IL6R: variants seen among roughly 807,000 people sequenced by gnomAD.
IL6R encodes interleukin 6 receptor, also known as interleukin-6 receptor subunit alpha.
In IL6R, 38 loss-of-function variants were observed where a neutral mutation model predicts 48.3. That is an observed-to-expected ratio of 0.79 (90% CI 0.61 to 1.03). The LOEUF (loss-of-function observed/expected upper bound fraction) is 1.03, where lower values mean the gene tolerates loss of function less well. IL6R is among the 50% of genes least tolerant of loss of function. IL6R has a pLI of 0.00. For synonymous variants in IL6R, 264 were observed against 256.2 expected (o/e 1.03, Z -0.29); for missense variants, 534 against 618.3 (o/e 0.86, Z 1.45).
rs770337126 is a variant in IL6R, at chr1:154,449,967, G to A, written c.1053G>A (p.Ala351=). The change falls in exon 8 of 10, where the codon GCG becomes GCA. Residue 351 remains alanine (A), a synonymous_variant. Coordinates refer to ENST00000368485, the MANE Select transcript of IL6R (RefSeq NM_000565.4). ...TTCTCTTCAGAGATTCTGCAAATGC[G>A]ACAAGCCTCCCAGGTAAGGACTGGG... ...DNILFRDSAN[A]TSLPVQDSSS... The A allele has an allele frequency of 3.7e-6, 6 of 1,606,300 alleles. No individual in the cohort carries two copies. In the Admixed American group the frequency reaches 6.7e-5, roughly 18 times the overall value.
At chr1:154,409,431 C>G (rs1570913129) in intron 1 of IL6R, among the ~76,000 whole-genome samples, 2 of 152,300 alleles carry the variant, frequency 1.3e-5, no homozygotes, top group Admixed American at 1.3e-4. Flanking sequence ...CCAGGCACAT[C>G]TCTGCCCTGC....
chr1:154,433,126 G>A (rs549556660), intron 3 of IL6R, among the ~76,000 whole-genome samples: 6 of 152,346 alleles, frequency 3.9e-5, no homozygotes, highest in Admixed American at 3.9e-4. Flanking sequence ...TGCCTTCGTG[G>A]CTGGGTGGAA....
At chr1:154,463,880 G>A (rs1458726654) in intron 9 of IL6R, among the ~76,000 whole-genome samples, 1 of 152,210 alleles carries the variant, frequency 6.6e-6, no homozygotes, top group Non-Finnish European at 1.5e-5. Flanking sequence ...TTTCCTGTCA[G>A]ATGAGTCAAA....
Position 154,430,450 on chromosome 1 carries a change from C to T in IL6R, c.335-33C>T, listed in dbSNP as rs764719540. ...GTCAGTGCGCCCCAGGATCCCCGCC[C>T]GCCTGCTGACACCTGCAATGCTTTC... On this transcript the variant is annotated intron_variant, in intron 2 of 9. Coordinates refer to ENST00000368485, the MANE Select transcript of IL6R (RefSeq NM_000565.4). 6 of 1,609,158 alleles carry T rather than the reference C, an allele frequency of 3.7e-6. No homozygotes were observed. The Admixed American group carries it at 5.1e-5, about 14-fold the overall frequency.
At chr1:154,446,964 A>T (rs1198284621) in intron 6 of IL6R, among the ~76,000 whole-genome samples, 1 of 152,084 alleles carries the variant, frequency 6.6e-6, no homozygotes, top group Non-Finnish European at 1.5e-5. Context: ...GCATTATGTC[A>T]TGTCTTCAAT....
chr1:154,422,164 A>G (rs996842856), intron 1 of IL6R, among the ~76,000 whole-genome samples: 9 of 141,260 alleles, frequency 6.4e-5, no homozygotes, highest in African/African-American at 2.4e-4. Flanking sequence ...CTGCTCTCAA[A>G]CTCCCGACCT....
chr1:154,435,237 T>C lies in IL6R; in HGVS notation c.807+81T>C, dbSNP rs7521458. 538,786 of 1,375,794 alleles carry C rather than the reference T, an allele frequency of 0.39. 109,973 individuals carry two copies. The highest frequency in any genetic ancestry group is 0.53 in the Admixed American group (28,272 of 52,852). The allele number at this position is 1,375,794 out of a possible 1,614,324, so 85.2% of individuals were successfully genotyped here. On this transcript the variant is annotated intron_variant, in intron 5 of 9. Transcript: ENST00000368485. ...TAGAAAGGGTACTAGAGGCCAGGCA[T>C]GGTGGCTCACGCCTGTAATCCCGGC...
At chr1:154,414,458 C>A in intron 1 of IL6R, 2 of 1,190,478 alleles carry the variant, frequency 1.7e-6, no homozygotes, top group Non-Finnish European at 1.2e-6. Context: ...CTGCTGCTGG[C>A]CGGCAAAACT....
chr1:154,435,042 C>G lies in IL6R; in HGVS notation c.693C>G (p.Pro231=). ...CAGTCACTGCCGTGGCCAGAAACCC[C>G]CGCTGGCTCAGTGTCACCTGGCAAG... is the stretch of plus-strand genomic sequence containing the variant. ...NITVTAVARN[P]RWLSVTWQDP... The change falls in exon 5 of 10, where the codon CCC becomes CCG. Residue 231 remains proline, a synonymous_variant. Transcript: ENST00000368485. The G allele has an allele frequency of 6.2e-7, 1 of 1,614,208 alleles. No individual in the cohort carries two copies.
chr1:154,448,148 A>AACG lies in IL6R; in HGVS notation c.975_977dup (p.Asn325_Glu326insAsp). The AACG allele has an allele frequency of 1.9e-6, 3 of 1,613,824 alleles. No individual in the cohort carries two copies. The highest frequency in any genetic ancestry group is 2.5e-6 in the Non-Finnish European group (3 of 1,179,882). ...AGAATCCAGGAGTCCTCCAGCTGAG[A>AACG]ACGAGGTGTCCACCCCCATGCAGGT... On this transcript the variant is annotated inframe_insertion, in exon 7 of 10. Coordinates refer to ENST00000368485, the MANE Select transcript of IL6R (RefSeq NM_000565.4).
chr1:154,407,381 A>G (rs1476285109), intron 1 of IL6R, among the ~76,000 whole-genome samples: 1 of 152,200 alleles, frequency 6.6e-6, no homozygotes, highest in Non-Finnish European at 1.5e-5. Context: ...AGTTACAGTC[A>G]GTTTTCCATT....
At chr1:154,453,652 G>A (rs774065423) in intron 8 of IL6R, among the ~76,000 whole-genome samples, 5 of 152,176 alleles carry the variant, frequency 3.3e-5, no homozygotes, top group Non-Finnish European at 5.9e-5. Context: ...CTTTGTATTC[G>A]GCACTGTGTA....
intron 3 of IL6R, 90 bp downstream of exon 3, chr1:154,430,696 T>G (rs1412635858): frequency 6.6e-7 from 1 of 1,517,472 alleles, no homozygotes; most frequent in African/African-American, 1.4e-5. Flanking sequence ...TTTCAAAACA[T>G]TATCATTAGG....
rs55844786 is a variant in IL6R at position 154,448,875 on chromosome 1, C to CTTCTTTTTT, written c.996+706_996+707insCTTTTTTTT. On this transcript the variant is annotated intron_variant, in intron 7 of 9. Transcript: ENST00000368485. ...CATTGCAAGGGAGTGCTTGTAAGGG[C>CTTCTTTTTT]TTTTTTTTTTTTTTTTTTTTTTTTT... Among the ~76,000 whole-genome samples the CTTCTTTTTT allele has an allele frequency of 5.6e-4, 41 of 73,306 alleles. 6 individuals are homozygous for CTTCTTTTTT. The highest frequency in any genetic ancestry group is 6.9e-4 in the Non-Finnish European group (26 of 37,550). 48.1% of individuals were successfully genotyped at this position (73,306 alleles called of 152,430 possible).
intron 8 of IL6R, among the ~76,000 whole-genome samples, chr1:154,451,690 C>A (rs533472193): frequency 2.0e-5 from 3 of 151,928 alleles, no homozygotes; most frequent in Non-Finnish European, 4.4e-5. Flanking sequence ...GCATGCACCA[C>A]CACGCCTGGC....
rs1219816204 is a variant in IL6R, at chr1:154,435,073, CA to C, written c.725del (p.His242ProfsTer45). The C allele has an allele frequency of 6.2e-7, 1 of 1,614,114 alleles. No homozygotes were observed. Among genetic ancestry groups the C allele is most frequent in the Admixed American group, 1.7e-5 (1 of 60,032 alleles). On this transcript the variant is annotated frameshift_variant, in exon 5 of 10. Transcript: ENST00000368485. LOFTEE classifies it high-confidence loss of function. ...GCTCAGTGTCACCTGGCAAGACCCCCACTCCTGGAACTCATCTTTCTACAGA... is the reference window on the plus strand; with the variant it reads ...GCTCAGTGTCACCTGGCAAGACCCCCCTCCTGGAACTCATCTTTCTACAGA... ...RWLSVTWQDP[H>X]SWNSSFYRLR...
Position 154,465,328 on chromosome 1 carries a change from A to T in IL6R, c.1355A>T (p.Asp452Val). ...AGCCACAACCGACCAGATGCCAGGG[A>T]CCCACGGAGCCCTTATGACATCAGC... ...TSSHNRPDAR[D>V]PRSPYDISNT... Residue 452 changes from aspartate to valine, a missense_variant, in exon 10 of 10, where the codon GAC (aspartate) becomes GTC (valine). Asp to Val is a radical substitution (Grantham distance 152). Coordinates refer to ENST00000368485, the MANE Select transcript of IL6R (RefSeq NM_000565.4). 6.2e-7 allele frequency: 1 copy of T among 1,614,048 alleles called. No individual in the cohort carries two copies.
intron 1 of IL6R, among the ~76,000 whole-genome samples, chr1:154,419,413 C>T (rs1263225196): frequency 6.6e-6 from 1 of 152,178 alleles, no homozygotes; most frequent in East Asian, 1.9e-4. Flanking sequence ...CATGTGGACA[C>T]AAGGTGTCCA....
intron 8 of IL6R, among the ~76,000 whole-genome samples, chr1:154,452,440 G>A (rs1170784818): frequency 3.3e-5 from 5 of 152,126 alleles, no homozygotes; most frequent in Admixed American, 2.0e-4. Context: ...GCCTGGACAC[G>A]CTTCCTCTGA....
Sources: allele counts gnomAD v4.1 joint callset (sites outside exome capture counted in the v4.1 genomes callset), GRCh38; gene constraint gnomAD v4.1.1; transcripts MANE v1.5; gene names NCBI Gene and HGNC (gene_info 2026-07-23, HGNC 2026-07-21).